SCUBE1: variants seen among roughly 807,000 people sequenced by gnomAD.
SCUBE1 encodes signal peptide, CUB and EGF-like domain-containing protein 1.
Under a neutral mutation model 124.4 loss-of-function variants are expected in SCUBE1, and 59 were observed. The observed-to-expected ratio is 0.47, with a 90% CI of 0.38 to 0.59. SCUBE1 has a LOEUF of 0.59. SCUBE1 is among the 20% of genes least tolerant of loss of function. The pLI is 0.00. For synonymous variants in SCUBE1, 545 were observed against 550.9 expected, an observed-to-expected ratio of 0.99 and a Z score of 0.15; for missense variants, 1,150 against 1,371.2, an observed-to-expected ratio of 0.84 and a Z score of 2.55.
intron 9 of SCUBE1, 31 bp from the exon 10 acceptor site, chr22:43,227,527 G>T: frequency 1.9e-6 from 3 of 1,598,026 alleles, no homozygotes; most frequent in Non-Finnish European, 2.6e-6. Context: ...AGGGCAGAGG[G>T]GAGGCTGGCG....
At chr22:43,309,511 A>G (rs1321618408) in intron 3 of SCUBE1, among the ~76,000 whole-genome samples, 1 of 152,188 alleles carries the variant, frequency 6.6e-6, no homozygotes, top group Non-Finnish European at 1.5e-5. Context: ...TGCTTGTGAA[A>G]TCTTTACGAA....
At chr22:43,221,412 T>A in intron 12 of SCUBE1, 123 bp from the exon 13 acceptor site, 1 of 666,472 alleles carries the variant, frequency 1.5e-6, no homozygotes, top group Non-Finnish European at 2.7e-6. Context: ...TCTGAGTCCC[T>A]GTGCCCCGAC....
chr22:43,269,626 C>T (rs1430378364), intron 4 of SCUBE1, among the ~76,000 whole-genome samples: 3 of 152,108 alleles, frequency 2.0e-5, no homozygotes, highest in East Asian at 1.9e-4. Flanking sequence ...CACCTTGCTG[C>T]GCCCTTCCCC....
In SCUBE1 at chr22:43,332,895, T is replaced by C. The variant is rs1926948001; in HGVS notation, c.220+6209A>G. Reference sequence around the variant, plus strand: ...AGGGAGGATGTTCACAGCTGATAACTCCCCTGTCTGGGGGACCAGAGATGG... The same window carrying C: ...AGGGAGGATGTTCACAGCTGATAACCCCCCTGTCTGGGGGACCAGAGATGG... On this transcript the variant is annotated intron_variant, in intron 2 of 21. Coordinates refer to ENST00000360835, the MANE Select transcript of SCUBE1 (RefSeq NM_173050.5). Among the ~76,000 whole-genome samples the C allele has an allele frequency of 2.0e-5, 3 of 151,958 alleles. No individual in the cohort carries two copies. The South Asian group carries it at 6.3e-4, about 32-fold the overall frequency.
intron 4 of SCUBE1, among the ~76,000 whole-genome samples, chr22:43,265,477 C>T (rs1003533067): frequency 1.1e-4 from 17 of 152,312 alleles, no homozygotes; most frequent in African/African-American, 3.4e-4. Flanking sequence ...TGGAGCCCTT[C>T]GTCTCCCACC....
chr22:43,303,103 G>A (rs569454136), intron 3 of SCUBE1, among the ~76,000 whole-genome samples: 2 of 152,210 alleles, frequency 1.3e-5, no homozygotes, highest in African/African-American at 4.8e-5. Flanking sequence ...CCATTTCCCA[G>A]CCTCGGTACC....
rs1279515246 is a variant in SCUBE1 at position 43,210,076 on chromosome 22, C to T, written c.2548G>A (p.Glu850Lys). The change falls in exon 19 of 22, where the codon GAG (glutamate) becomes AAG (lysine). Residue 850 changes from glutamate (E) to lysine (K), a missense_variant. Glu to Lys is a moderately conservative substitution (Grantham distance 56). Around this residue, in one of 3 missense-constraint regions of SCUBE1, gnomAD observed 757 missense variants for 840.9 expected, o/e 0.90. Transcript: ENST00000360835. The surrounding 1 kb of genome is among the most constrained non-coding windows in gnomAD (Gnocchi z 4.5). ...CTCATGACCAGAACATCGCCGCACTCATCCTCGATGGGCAGGAAGATCTCA... is the reference window on the plus strand; with the variant it reads ...CTCATGACCAGAACATCGCCGCACTTATCCTCGATGGGCAGGAAGATCTCA... ...VPEIFLPIED[E>K]CGDVLVMRKS... is the part of the protein sequence containing the mutation. 1.2e-6 allele frequency: 2 copies of T among 1,612,478 alleles called. No individual in the cohort carries two copies. The highest frequency in any genetic ancestry group is 1.1e-5 in the South Asian group (1 of 91,018).
intron 6 of SCUBE1, among the ~76,000 whole-genome samples, chr22:43,247,321 C>T (rs1923255644): frequency 6.6e-6 from 1 of 152,160 alleles, no homozygotes; most frequent in South Asian, 2.1e-4. Flanking sequence ...TGAGCTGGCC[C>T]TGGGGTGCTG....
chr22:43,204,842 G>A (rs1301640870), intron 21 of SCUBE1, among the ~76,000 whole-genome samples: 2 of 151,964 alleles, frequency 1.3e-5, no homozygotes, highest in East Asian at 3.9e-4. Context: ...AACTCGGGAG[G>A]CTGAGGCATG....
intron 4 of SCUBE1, among the ~76,000 whole-genome samples, chr22:43,280,761 CTCA>C (rs1315254381): frequency 2.8e-5 from 3 of 105,768 alleles, no homozygotes; most frequent in Admixed American, 9.4e-5. Flanking sequence ...TGTCACCTCC[CTCA>C]TTGGCCACCC....
intron 14 of SCUBE1, among the ~76,000 whole-genome samples, chr22:43,219,271 CCT>C (rs1921976905): frequency 1.3e-5 from 2 of 152,100 alleles, no homozygotes. Flanking sequence ...CACCCCCTCC[CCT>C]CTCTCTTGCT....
intron 4 of SCUBE1, among the ~76,000 whole-genome samples, chr22:43,287,955 C>T (rs952975242): frequency 6.6e-6 from 1 of 152,218 alleles, no homozygotes; most frequent in Non-Finnish European, 1.5e-5. Flanking sequence ...GGGCCGCTGA[C>T]CACTGTGCTG....
intron 5 of SCUBE1, 140 bp downstream of exon 5, chr22:43,262,580 T>C (rs951350289): frequency 1.0e-6 from 1 of 988,280 alleles, no homozygotes; most frequent in Non-Finnish European, 1.5e-6. Context: ...TCAGGCCCCT[T>C]CCACAGGCCC....
At chr22:43,227,612 C>T in intron 9 of SCUBE1, 116 bp from the exon 10 acceptor site, 2 of 1,346,416 alleles carry the variant, frequency 1.5e-6, no homozygotes, top group Non-Finnish European at 2.0e-6. Flanking sequence ...AGTCGGACAG[C>T]ATCACGGGAT....
In SCUBE1 at chr22:43,301,190, T is replaced by TCCAGGGCTG. The variant is rs1228455888; in HGVS notation, c.350-10019_350-10011dup. On this transcript the variant is annotated intron_variant, in intron 3 of 21. Transcript: ENST00000360835. ...CACGAGTACAACACATTCGCTCCCCTCCAGGGCTGCCACGGCTGGGCCAGT... is the reference window on the plus strand; with the variant it reads ...CACGAGTACAACACATTCGCTCCCCTCCAGGGCTGCCAGGGCTGCCACGGCTGGGCCAGT... Among the ~76,000 whole-genome samples the TCCAGGGCTG allele has an allele frequency of 7.9e-5, 12 of 152,234 alleles. No individual in the cohort carries two copies. The East Asian group carries it at 2.1e-3, about 27-fold the overall frequency.
intron 4 of SCUBE1, among the ~76,000 whole-genome samples, chr22:43,267,535 C>T (rs776774462): frequency 3.9e-5 from 6 of 152,206 alleles, no homozygotes; most frequent in Admixed American, 2.6e-4. Flanking sequence ...AGAAGTCCTG[C>T]GGTCCCTGTG....
At chr22:43,337,479 A>G (rs1927121309) in intron 2 of SCUBE1, among the ~76,000 whole-genome samples, 1 of 152,174 alleles carries the variant, frequency 6.6e-6, no homozygotes, top group East Asian at 1.9e-4. Flanking sequence ...CACATGTACC[A>G]CTCGAACCAG....
chr22:43,216,902 T>C (rs1601802129), intron 15 of SCUBE1, among the ~76,000 whole-genome samples: 2 of 64,120 alleles, frequency 3.1e-5, no homozygotes, highest in African/African-American at 7.5e-5. Flanking sequence ...ACCAACAGCT[T>C]CCCTCCCACC....
Position 43,258,230 on chromosome 22 carries a change from C to A in SCUBE1, c.716G>T (p.Arg239Leu). The change falls in exon 6 of 22, where the codon CGC becomes CTC. Residue 239 changes from arginine (R) to leucine (L), a missense_variant. Coordinates refer to ENST00000360835, the MANE Select transcript of SCUBE1 (RefSeq NM_173050.5). This position sits in a 1 kb window ranked among gnomAD's most constrained non-coding sequence, Gnocchi z 5.0. ...HQKYALHSDGRTCIETCAVNN... is the reference protein window; with the variant it reads ...HQKYALHSDGLTCIETCAVNN... ...AGGTGCCTACTTACCGATGCACGTG[C>A]GACCGTCTGAGTGGAGGGCGTACTT... The A allele has an allele frequency of 6.2e-7, 1 of 1,612,722 alleles. No individual in the cohort carries two copies. The highest frequency in any genetic ancestry group is 8.5e-7 in the Non-Finnish European group (1 of 1,178,968).
Sources: allele counts gnomAD v4.1 joint callset (sites outside exome capture counted in the v4.1 genomes callset), GRCh38; gene constraint gnomAD v4.1.1; regional missense constraint gnomAD v4.1.1; non-coding constraint Gnocchi (gnomAD v3.1); transcripts MANE v1.5; gene names NCBI Gene and HGNC (gene_info 2026-07-23, HGNC 2026-07-21).